GSE1: variants seen among roughly 807,000 people sequenced by gnomAD.
GSE1 encodes Gse1 coiled-coil protein.
Under a neutral mutation model 112.6 loss-of-function variants are expected in GSE1, and 32 were observed. The observed-to-expected ratio is 0.28, with a 90% CI of 0.21 to 0.38. The LOEUF is 0.38. Among genes scored for constraint, GSE1 ranks in the 10% least tolerant of loss-of-function variants. The probability of loss-of-function intolerance (pLI) is 1.00; values close to 1 mark genes in which losing one functional copy is unlikely to be tolerated. For synonymous variants in GSE1, 1,115 were observed against 735.6 expected, an observed-to-expected ratio of 1.52 and a Z score of -8.35; for missense variants, 2,348 against 1,699.2, an observed-to-expected ratio of 1.38 and a Z score of -6.71.
chr16:85,294,622 T>TCTCTCTCTCC (rs2045312228), intron 1 of GSE1, among the ~76,000 whole-genome samples: 2 of 39,924 alleles, frequency 5.0e-5, no homozygotes, highest in African/African-American at 1.6e-4. Context: ...TCTCACTCTC[T>TCTCTCTCTCC]CTCTCTCTCT....
chr16:85,652,620 G>T (rs2051465690), intron 3 of GSE1, among the ~76,000 whole-genome samples: 1 of 152,176 alleles, frequency 6.6e-6, no homozygotes, highest in Non-Finnish European at 1.5e-5. Context: ...GAGGGGAGGC[G>T]CCGGCCCGGG....
At chr16:85,206,957 C>T (rs1205183092) in intron 1 of GSE1, among the ~76,000 whole-genome samples, 1 of 152,084 alleles carries the variant, frequency 6.6e-6, no homozygotes, top group Non-Finnish European at 1.5e-5. Flanking sequence ...AGACTGTTTA[C>T]AGCCTCCGGC....
At chr16:85,362,384 T>A (rs2047100447) in intron 2 of GSE1, among the ~76,000 whole-genome samples, 1 of 152,192 alleles carries the variant, frequency 6.6e-6, no homozygotes, top group African/African-American at 2.4e-5. Context: ...AGAACAATTA[T>A]CTTTGTGTTG....
chr16:85,389,408 C>T (rs1045825462), intron 2 of GSE1, among the ~76,000 whole-genome samples: 2 of 145,360 alleles, frequency 1.4e-5, no homozygotes, highest in African/African-American at 5.1e-5. Flanking sequence ...TGCGGTGAGC[C>T]GAGATTGCAC....
intron 2 of GSE1, among the ~76,000 whole-genome samples, chr16:85,641,463 T>G (rs906014314): frequency 7.5e-5 from 11 of 147,398 alleles, no homozygotes; most frequent in Non-Finnish European, 1.5e-4. Flanking sequence ...TGGAGCCTCG[T>G]TGGTGGACGC....
chr16:85,635,515 G>A (rs1355576678), intron 2 of GSE1, among the ~76,000 whole-genome samples: 1 of 152,216 alleles, frequency 6.6e-6, no homozygotes, highest in African/African-American at 2.4e-5. Flanking sequence ...ACTCTCTGGG[G>A]CGGTGAACAA....
intron 2 of GSE1, among the ~76,000 whole-genome samples, chr16:85,452,477 C>T (rs1022314896): frequency 2.0e-5 from 3 of 152,250 alleles, no homozygotes; most frequent in Non-Finnish European, 4.4e-5. Context: ...GTTGGTTGAT[C>T]TGGGACTGTG....
At chr16:85,636,304 G>C (rs1291931564) in intron 2 of GSE1, among the ~76,000 whole-genome samples, 1 of 152,228 alleles carries the variant, frequency 6.6e-6, no homozygotes, top group Non-Finnish European at 1.5e-5. Flanking sequence ...TATTGAGCTG[G>C]GAATGCCAAG....
chr16:85,412,729 C>G (rs866298463), intron 2 of GSE1, among the ~76,000 whole-genome samples: 2 of 149,920 alleles, frequency 1.3e-5, no homozygotes, highest in South Asian at 2.1e-4. Context: ...TACTCTCAGG[C>G]CCCCCGGATA....
At chr16:85,611,169 C>T (rs1051607579), upstream of GSE1, among the ~76,000 whole-genome samples, 1 of 152,216 alleles carries the variant, frequency 6.6e-6, no homozygotes, top group South Asian at 2.1e-4. Flanking sequence ...AGCTTGTAAT[C>T]CAGGTGGGAA....
chr16:85,258,166 C>G (rs1907281753), intron 1 of GSE1, among the ~76,000 whole-genome samples: 1 of 152,216 alleles, frequency 6.6e-6, no homozygotes. Context: ...CAGGGGCCTC[C>G]TCACGCATCT....
At chr16:85,417,397 C>T (rs1415228884) in intron 2 of GSE1, among the ~76,000 whole-genome samples, 1 of 150,350 alleles carries the variant, frequency 6.7e-6, no homozygotes, top group Non-Finnish European at 1.5e-5. Context: ...CTGGAAGACC[C>T]GAGCTGGAAG....
At chr16:85,651,418 G>A (rs963182998) in intron 3 of GSE1, among the ~76,000 whole-genome samples, 6 of 152,114 alleles carry the variant, frequency 3.9e-5, no homozygotes, top group South Asian at 2.1e-4. Flanking sequence ...CCAGCCCCCC[G>A]GACTCCCTGT....
intron 1 of GSE1, among the ~76,000 whole-genome samples, chr16:85,233,074 A>G (rs1353645615): frequency 6.6e-6 from 1 of 152,232 alleles, no homozygotes; most frequent in Non-Finnish European, 1.5e-5. Context: ...TGCTAGCCCC[A>G]TGGCTCCAAA....
At chr16:85,261,192 C>T (rs562402102) in intron 1 of GSE1, among the ~76,000 whole-genome samples, 20 of 152,320 alleles carry the variant, frequency 1.3e-4, no homozygotes, top group Middle Eastern at 3.4e-3. Flanking sequence ...CGCATTCTTG[C>T]CAGAGCTTTC....
rs746244497 is a variant in GSE1 at position 85,655,057 on chromosome 16, C to T, written c.797+66C>T. The T allele has an allele frequency of 5.1e-5, 53 of 1,046,514 alleles. No homozygotes were observed. The Middle Eastern group carries it at 8.3e-4, about 16-fold the overall frequency. 64.8% of individuals were successfully genotyped at this position (1,046,514 alleles called of 1,614,324 possible). ...CTGTTCCTGGCAAGATGGAACCTGG[C>T]GGGGAAGGTGTTTCTTATGACCTGA... On this transcript the variant is annotated intron_variant, in intron 5 of 15. Coordinates refer to ENST00000253458, the MANE Select transcript of GSE1 (RefSeq NM_014615.5).
At chr16:85,653,685 TCCAGGG>T (rs954492840) in intron 3 of GSE1, among the ~76,000 whole-genome samples, 1 of 152,040 alleles carries the variant, frequency 6.6e-6, no homozygotes, top group Non-Finnish European at 1.5e-5. Flanking sequence ...TCTGGTGGGC[TCCAGGG>T]CCAGGGCCAC....
intron 1 of GSE1, among the ~76,000 whole-genome samples, chr16:85,245,263 C>T (rs1905514597): frequency 6.6e-6 from 1 of 152,214 alleles, no homozygotes; most frequent in Non-Finnish European, 1.5e-5. Flanking sequence ...TGATATCTCT[C>T]AGCCGCAGCC....
At chr16:85,670,334 C>G (rs886185719) in intron 14 of GSE1, among the ~76,000 whole-genome samples, 1 of 152,122 alleles carries the variant, frequency 6.6e-6, no homozygotes, top group Admixed American at 6.5e-5. Flanking sequence ...TTAAAGCATC[C>G]CATTAAAGAG....
Sources: gnomAD v4.1 joint callset for allele counts (sites outside exome capture counted in the v4.1 genomes callset) on GRCh38, gnomAD v4.1.1 for gene constraint, MANE v1.5 for transcripts, NCBI Gene and HGNC (gene_info 2026-07-23, HGNC 2026-07-21) for gene names.